Variants in RBMS3 observed in about 807,000 individuals in gnomAD.
The protein encoded by RBMS3 is RNA-binding motif, single-stranded-interacting protein 3.
A neutral mutation model predicts 66.8 loss-of-function variants in RBMS3; 27 were observed. The ratio of observed to expected loss-of-function variants is 0.40; its 90% CI spans 0.30 to 0.56. The LOEUF is 0.56. Among genes scored for constraint, RBMS3 ranks in the 20% least tolerant of loss-of-function variants. RBMS3 has a pLI of 0.40. For missense variants in RBMS3, 513 were observed against 549.5 expected, an observed-to-expected ratio of 0.93 and a Z score of 0.66; for synonymous variants, 188 against 183.0, an observed-to-expected ratio of 1.03 and a Z score of -0.22.
At chr3:29,936,296 A>T in intron 11 of RBMS3, 100 bp downstream of exon 11, 1 of 1,093,598 alleles carries the variant, frequency 9.1e-7, no homozygotes, top group Non-Finnish European at 1.3e-6. Flanking sequence ...TCTGTACCAT[A>T]TTCGTTGACT....
At chr3:29,384,923 C>T (rs961268019) in intron 1 of RBMS3, among the ~76,000 whole-genome samples, 8 of 152,070 alleles carry the variant, frequency 5.3e-5, no homozygotes, top group African/African-American at 2.4e-5. Flanking sequence ...ACCACAATTC[C>T]AGCTGTCCAA....
At chr3:29,308,872 G>A (rs751991109) in intron 1 of RBMS3, among the ~76,000 whole-genome samples, 1 of 150,430 alleles carries the variant, frequency 6.6e-6, no homozygotes, top group African/African-American at 2.4e-5. Context: ...TAAGGATGCT[G>A]ATATATTTTA....
At chr3:29,492,137 G>C (rs1018931535) in intron 3 of RBMS3, among the ~76,000 whole-genome samples, 1 of 152,200 alleles carries the variant, frequency 6.6e-6, no homozygotes, top group Admixed American at 6.5e-5. Flanking sequence ...TCTCTGCTTA[G>C]CAGTGGTGAG....
chr3:29,791,629 G>A (rs1464291759), intron 6 of RBMS3, among the ~76,000 whole-genome samples: 2 of 152,048 alleles, frequency 1.3e-5, no homozygotes, highest in African/African-American at 4.8e-5. Flanking sequence ...TACACATAGT[G>A]TGGTTGAACC....
intron 1 of RBMS3, among the ~76,000 whole-genome samples, chr3:29,322,362 C>T (rs1013825430): frequency 1.3e-5 from 2 of 151,856 alleles, no homozygotes; most frequent in Admixed American, 6.6e-5. Context: ...TTTACCTATC[C>T]ATACATGAAT....
intron 4 of RBMS3, among the ~76,000 whole-genome samples, chr3:29,709,981 A>T (rs1326196565): frequency 1.3e-5 from 2 of 152,188 alleles, no homozygotes; most frequent in Non-Finnish European, 2.9e-5. Flanking sequence ...GAGGAGAAAA[A>T]ACACGTTACC....
chr3:29,865,368 T>C (rs1335350366), intron 6 of RBMS3, among the ~76,000 whole-genome samples: 1 of 151,804 alleles, frequency 6.6e-6, no homozygotes, highest in Non-Finnish European at 1.5e-5. Flanking sequence ...CTTCAAAGAG[T>C]AGAAATATGT....
chr3:29,729,500 C>T (rs1261441689), intron 4 of RBMS3, among the ~76,000 whole-genome samples: 1 of 152,048 alleles, frequency 6.6e-6, no homozygotes, highest in Non-Finnish European at 1.5e-5. Flanking sequence ...TGGGTATATA[C>T]CCAGTAATAG....
intron 3 of RBMS3, among the ~76,000 whole-genome samples, chr3:29,514,650 CATAT>C (rs10601940): frequency 0.065 from 6,785 of 103,624 alleles, 338 homozygotes; most frequent in African/African-American, 0.14. Context: ...GTGATAGGCA[CATAT>C]ATATATATAT....
chr3:29,420,808 G>A (rs895761762), intron 1 of RBMS3, among the ~76,000 whole-genome samples: 4 of 152,134 alleles, frequency 2.6e-5, no homozygotes, highest in Non-Finnish European at 4.4e-5. Flanking sequence ...TTGTACTTTA[G>A]AAAAGGCTAT....
chr3:29,786,337 T>TA lies in RBMS3; in HGVS notation c.637+23355dup, dbSNP rs201012370. Among the ~76,000 whole-genome samples, 826 of 150,874 alleles carry TA rather than the reference T, an allele frequency of 5.5e-3. 8 individuals carry two copies. Among genetic ancestry groups the TA allele is most frequent in the African/African-American group, 0.019 (790 of 41,136 alleles). ...ATTCTTCACAGAACCAGAAAAAAAA[T>TA]AAAAAAATCCTAAAATTCATATGGA... On this transcript the variant is annotated intron_variant, in intron 6 of 14. Transcript: ENST00000383767.
chr3:29,631,266 T>A (rs1221502494), intron 4 of RBMS3, among the ~76,000 whole-genome samples: 1 of 151,892 alleles, frequency 6.6e-6, no homozygotes, highest in Non-Finnish European at 1.5e-5. Context: ...TCTATTACAC[T>A]ATGATAAATA....
chr3:29,680,316 G>C (rs1304650124), intron 4 of RBMS3, among the ~76,000 whole-genome samples: 1 of 152,200 alleles, frequency 6.6e-6, no homozygotes, highest in African/African-American at 2.4e-5. Context: ...GCTGGGTTAA[G>C]ATACATTAAC....
At chr3:29,899,853 T>C (rs1276541721) in intron 10 of RBMS3, 98 bp downstream of exon 10, 7 of 1,204,290 alleles carry the variant, frequency 5.8e-6, no homozygotes, top group Non-Finnish European at 8.3e-6. Flanking sequence ...TGTTATAATA[T>C]GTAACTCGTT....
At chr3:29,366,532 C>A (rs1294343303) in intron 1 of RBMS3, among the ~76,000 whole-genome samples, 1 of 148,724 alleles carries the variant, frequency 6.7e-6, no homozygotes, top group East Asian at 2.0e-4. Context: ...AGCTATGAGC[C>A]ACCAGGCTGA....
At chr3:29,300,591 T>C (rs1422189467) in intron 1 of RBMS3, among the ~76,000 whole-genome samples, 1 of 152,022 alleles carries the variant, frequency 6.6e-6, no homozygotes, top group East Asian at 1.9e-4. Context: ...TCTGTGTATG[T>C]GTGTACACAT....
intron 3 of RBMS3, among the ~76,000 whole-genome samples, chr3:29,495,417 CTTTTTTTTT>C (rs775377508): frequency 1.8e-5 from 2 of 111,884 alleles, no homozygotes; most frequent in Admixed American, 9.4e-5. Context: ...ATATTTCTTT[CTTTTTTTTT>C]TTTTTTTTTT....
At chr3:29,310,798 G>T (rs1272490570) in intron 1 of RBMS3, among the ~76,000 whole-genome samples, 2 of 151,824 alleles carry the variant, frequency 1.3e-5, no homozygotes, top group East Asian at 2.0e-4. Flanking sequence ...GCACTTCAGG[G>T]AGCAGCATCT....
intron 6 of RBMS3, chr3:29,766,038 A>G (rs1361315108): frequency 3.9e-5 from 6 of 152,042 alleles, no homozygotes; most frequent in Non-Finnish European, 1.5e-5. Context: ...CCCACAACAC[A>G]TGGGAATTCA....
Sources: allele counts gnomAD v4.1 joint callset (sites outside exome capture counted in the v4.1 genomes callset), GRCh38; gene constraint gnomAD v4.1.1; transcripts MANE v1.5; gene names NCBI Gene and HGNC (gene_info 2026-07-23, HGNC 2026-07-21).